Variants in DCDC1 observed in about 807,000 individuals in gnomAD.
The protein encoded by DCDC1 is doublecortin domain-containing protein 1.
Under a neutral mutation model 178.3 loss-of-function variants are expected in DCDC1, and 200 were observed. That is an observed-to-expected ratio of 1.12 (90% CI 1.00 to 1.26). The LOEUF is 1.26. DCDC1 is among the 50% of genes most tolerant of loss of function. The pLI is 0.00. For missense variants in DCDC1, 1,983 were observed against 1,749.2 expected (o/e 1.13, Z -2.38); for synonymous variants, 690 against 604.8 (o/e 1.14, Z -2.07).
At chr11:31,002,704 T>A (rs1951641295) in intron 20 of DCDC1, among the ~76,000 whole-genome samples, 1 of 152,180 alleles carries the variant, frequency 6.6e-6, no homozygotes, top group Non-Finnish European at 1.5e-5. Flanking sequence ...GACCTGTGAA[T>A]CAAAAGTCAC....
At chr11:31,037,428 C>CTTT (rs869310230) in intron 20 of DCDC1, among the ~76,000 whole-genome samples, 1 of 44,876 alleles carries the variant, frequency 2.2e-5, no homozygotes, top group Non-Finnish European at 4.2e-5. Flanking sequence ...CTAAATATTT[C>CTTT]TTTCTTTTTT....
intron 8 of DCDC1, among the ~76,000 whole-genome samples, chr11:31,250,779 G>A (rs998557583): frequency 2.0e-5 from 3 of 149,352 alleles, no homozygotes; most frequent in East Asian, 2.0e-4. Flanking sequence ...TTTTTGAGAC[G>A]GAGTCTCGCT....
rs111941497 is a variant in DCDC1 at position 30,920,682 on chromosome 11, T to C, written c.3293+94A>G. Reference sequence around the variant, plus strand: ...TGCCATTAGTTTCACAAACTTGGCATGAGCTCCCTGCATGGGCTCTGTGCT... The same window carrying C: ...TGCCATTAGTTTCACAAACTTGGCACGAGCTCCCTGCATGGGCTCTGTGCT... On this transcript the variant is annotated intron_variant, in intron 25 of 38. Coordinates refer to ENST00000684477, the MANE Select transcript of DCDC1 (RefSeq NM_001387274.1). 1.2e-3 allele frequency: 1,808 copies of C among 1,449,502 alleles called. 26 individuals carry two copies. The African/African-American group carries it at 0.021, about 16-fold the overall frequency. The allele number at this position is 1,449,502 out of a possible 1,614,324, so 89.8% of individuals were successfully genotyped here.
At chr11:31,153,030 T>C (rs1478931157) in intron 9 of DCDC1, among the ~76,000 whole-genome samples, 1 of 152,162 alleles carries the variant, frequency 6.6e-6, no homozygotes, top group African/African-American at 2.4e-5. Flanking sequence ...ATATTCTCAA[T>C]ACTGGGTCAA....
chr11:30,874,233 G>A (rs1284310414), intron 38 of DCDC1, among the ~76,000 whole-genome samples: 1 of 152,160 alleles, frequency 6.6e-6, no homozygotes, highest in African/African-American at 2.4e-5. Context: ...GTCACGACGT[G>A]CTTCTTCCCA....
At chr11:31,021,831 T>C (rs1952899370) in intron 20 of DCDC1, among the ~76,000 whole-genome samples, 1 of 152,148 alleles carries the variant, frequency 6.6e-6, no homozygotes, top group South Asian at 2.1e-4. Flanking sequence ...TGGCTCCCTG[T>C]TACTAATTAG....
At chr11:31,134,464 T>C (rs892527529) in intron 10 of DCDC1, among the ~76,000 whole-genome samples, 1 of 152,200 alleles carries the variant, frequency 6.6e-6, no homozygotes, top group Admixed American at 6.5e-5. Context: ...ATCTTTAGAC[T>C]TCACAGTGGT....
intron 20 of DCDC1, among the ~76,000 whole-genome samples, chr11:30,954,858 C>A (rs1948675183): frequency 6.6e-6 from 1 of 152,228 alleles, no homozygotes; most frequent in Non-Finnish European, 1.5e-5. Context: ...TGTGAAATTA[C>A]AAATTCATTA....
chr11:31,006,530 C>A (rs1398938069), intron 20 of DCDC1, among the ~76,000 whole-genome samples: 1 of 152,204 alleles, frequency 6.6e-6, no homozygotes, highest in Non-Finnish European at 1.5e-5. Flanking sequence ...CATCTTCCTG[C>A]TCTGCCACTT....
At chr11:31,092,795 T>A (rs1415170005) in intron 16 of DCDC1, among the ~76,000 whole-genome samples, 1 of 152,198 alleles carries the variant, frequency 6.6e-6, no homozygotes, top group East Asian at 1.9e-4. Flanking sequence ...AGATACCATG[T>A]GTGACTTGTC....
chr11:30,896,510 G>T (rs1039482637), intron 34 of DCDC1, among the ~76,000 whole-genome samples: 7 of 152,148 alleles, frequency 4.6e-5, no homozygotes, highest in African/African-American at 1.7e-4. Flanking sequence ...CTTATTGGGA[G>T]GCCCACCCTT....
chr11:31,278,987 T>A (rs1946205295), intron 7 of DCDC1, among the ~76,000 whole-genome samples: 2 of 152,222 alleles, frequency 1.3e-5, no homozygotes, highest in East Asian at 3.9e-4. Flanking sequence ...GCCCCTTTCC[T>A]CAAAGAAAAG....
At chr11:31,251,615 CAG>C (rs142524213) in intron 8 of DCDC1, among the ~76,000 whole-genome samples, 254 of 146,474 alleles carry the variant, frequency 1.7e-3, no homozygotes, top group Admixed American at 1.9e-3. Context: ...GACAGAGAAA[CAG>C]AGAGAGAGAG....
chr11:30,957,556 CTG>C (rs1948839584), intron 20 of DCDC1, among the ~76,000 whole-genome samples: 1 of 152,160 alleles, frequency 6.6e-6, no homozygotes, highest in Admixed American at 6.5e-5. Context: ...ATAAAGGATT[CTG>C]TGTTAAGTCT....
chr11:31,277,253 A>C (rs1946061382), intron 7 of DCDC1, among the ~76,000 whole-genome samples: 1 of 152,128 alleles, frequency 6.6e-6, no homozygotes, highest in African/African-American at 2.4e-5. Flanking sequence ...CATTTACCAC[A>C]ATGCTCGTTC....
intron 9 of DCDC1, among the ~76,000 whole-genome samples, chr11:31,157,166 G>A (rs1965790760): frequency 6.6e-6 from 1 of 151,212 alleles, no homozygotes; most frequent in African/African-American, 2.4e-5. Context: ...ATCGCTTAAA[G>A]CCAGGAGTTT....
intron 9 of DCDC1, among the ~76,000 whole-genome samples, chr11:31,158,113 A>AT (rs1555090928): frequency 3.3e-5 from 5 of 151,714 alleles, no homozygotes; most frequent in African/African-American, 9.7e-5. Context: ...ATTTTATTAT[A>AT]TTTTTTTGTT....
intron 20 of DCDC1, among the ~76,000 whole-genome samples, chr11:31,004,570 C>A (rs1460149828): frequency 3.3e-5 from 5 of 150,428 alleles, no homozygotes; most frequent in Non-Finnish European, 1.5e-5. Context: ...GTAGTCCCAG[C>A]TACTCGGGAG....
intron 20 of DCDC1, among the ~76,000 whole-genome samples, chr11:31,043,769 G>A (rs1954632078): frequency 1.3e-5 from 2 of 151,072 alleles, no homozygotes; most frequent in African/African-American, 4.9e-5. Flanking sequence ...CTATGAGGCT[G>A]CTGAGCCGGT....
Sources: gnomAD v4.1 joint callset for allele counts (sites outside exome capture counted in the v4.1 genomes callset) on GRCh38, gnomAD v4.1.1 for gene constraint, MANE v1.5 for transcripts, NCBI Gene and HGNC (gene_info 2026-07-23, HGNC 2026-07-21) for gene names.